Variants in THSD4 observed in about 807,000 individuals in gnomAD.
THSD4 encodes the protein thrombospondin type 1 domain containing 4.
In THSD4, 69 loss-of-function variants were observed where a neutral mutation model predicts 119.0. The observed-to-expected ratio is 0.58, with a 90% CI of 0.48 to 0.71. THSD4 has a LOEUF of 0.71. Among genes scored for constraint, THSD4 ranks in the 30% least tolerant of loss-of-function variants. THSD4 has a pLI of 0.00. For synonymous variants in THSD4, 524 were observed against 540.4 expected (o/e 0.97, Z 0.42); for missense variants, 1,393 against 1,391.1 (o/e 1.00, Z -0.02).
At chr15:71,281,899 T>C (rs1302598463) in intron 6 of THSD4, among the ~76,000 whole-genome samples, 2 of 152,218 alleles carry the variant, frequency 1.3e-5, no homozygotes, top group African/African-American at 4.8e-5. Flanking sequence ...AGTTTCACTG[T>C]CCTTTGGCTT....
At chr15:71,207,670 G>A (rs2043855724) in intron 3 of THSD4, among the ~76,000 whole-genome samples, 1 of 152,200 alleles carries the variant, frequency 6.6e-6, no homozygotes, top group Non-Finnish European at 1.5e-5. Context: ...CTGTCAGATG[G>A]GCAGCGGCAT....
chr15:71,750,434 T>A (rs1440357893), intron 14 of THSD4, among the ~76,000 whole-genome samples: 1 of 152,204 alleles, frequency 6.6e-6, no homozygotes, highest in Non-Finnish European at 1.5e-5. Flanking sequence ...ATTTTGTCCC[T>A]CTATCACCAT....
chr15:71,747,159 C>T, intron 13 of THSD4, 117 bp downstream of exon 13: 2 of 1,208,196 alleles, frequency 1.7e-6, no homozygotes, highest in Non-Finnish European at 2.3e-6. Context: ...GGGAACCCGT[C>T]CCGTGGGGGT....
intron 7 of THSD4, among the ~76,000 whole-genome samples, chr15:71,601,528 A>C (rs2050011365): frequency 6.6e-6 from 1 of 152,230 alleles, no homozygotes; most frequent in Non-Finnish European, 1.5e-5. Context: ...CGCTTTATAA[A>C]TGACTGTAAT....
chr15:71,703,573 CGCACTGGGGACAGGTCTTACATA>C (rs1332682114), intron 8 of THSD4, among the ~76,000 whole-genome samples: 9 of 152,184 alleles, frequency 5.9e-5, no homozygotes, highest in South Asian at 2.1e-4. Flanking sequence ...GGTCTTACAT[CGCACTGGGGACAGGTCTTACATA>C]GCACTGGGGA....
intron 4 of THSD4, among the ~76,000 whole-genome samples, chr15:71,235,319 C>T (rs1191615085): frequency 6.6e-6 from 1 of 152,178 alleles, no homozygotes; most frequent in East Asian, 1.9e-4. Flanking sequence ...TATATAGTAA[C>T]AGTTCAAAGT....
chr15:71,111,151 C>T (rs1331064452), upstream of THSD4: 2 of 1,607,326 alleles, frequency 1.2e-6, no homozygotes, highest in Admixed American at 3.4e-5. Flanking sequence ...AAGAACCTTC[C>T]TATCTCCTCT....
intron 7 of THSD4, among the ~76,000 whole-genome samples, chr15:71,479,076 CAG>C (rs905745631): frequency 9.5e-6 from 1 of 105,764 alleles, no homozygotes; most frequent in Non-Finnish European, 1.9e-5. Flanking sequence ...GAAAATTAGG[CAG>C]AGTGTATTTT....
chr15:71,758,087 G>T lies in THSD4; in HGVS notation c.2589+12G>T. 1 of 1,557,026 alleles carries T rather than the reference G, an allele frequency of 6.4e-7. No individual in the cohort carries two copies. Among genetic ancestry groups the T allele is most frequent in the South Asian group, 1.2e-5 (1 of 84,954 alleles). Reference sequence around the variant, plus strand: ...GGAGCTGGAGTCAGGTGAGTGGCCAGAACTGGGTATGTCTGCCTGTGTCAG... The same window carrying T: ...GGAGCTGGAGTCAGGTGAGTGGCCATAACTGGGTATGTCTGCCTGTGTCAG... On this transcript the variant is annotated intron_variant, in intron 15 of 17. Coordinates refer to ENST00000261862, the MANE Select transcript of THSD4 (RefSeq NM_024817.3).
At chr15:71,322,760 C>G (rs1370058928) in intron 6 of THSD4, among the ~76,000 whole-genome samples, 1 of 152,114 alleles carries the variant, frequency 6.6e-6, no homozygotes, top group African/African-American at 2.4e-5. Context: ...CTTGAGTGTC[C>G]TCCTGACACG....
intron 7 of THSD4, among the ~76,000 whole-genome samples, chr15:71,532,283 AGTGTGTGTGTGTGTGTGTGTGTGTGT>A (rs1210856261): frequency 5.9e-5 from 6 of 101,574 alleles, no homozygotes; most frequent in Admixed American, 1.1e-4. Context: ...AGAGAGAGAG[AGTGTGTGTGTGTGTGTGTGTGTGTGT>A]GTGTGTGTGT....
At chr15:71,711,329 G>A (rs1452834603) in intron 8 of THSD4, among the ~76,000 whole-genome samples, 1 of 151,838 alleles carries the variant, frequency 6.6e-6, no homozygotes, top group African/African-American at 2.4e-5. Context: ...TTTTCCCATT[G>A]TTGCTTTTAA....
chr15:71,406,137 G>T (rs1161201807), intron 6 of THSD4, among the ~76,000 whole-genome samples: 1 of 151,718 alleles, frequency 6.6e-6, no homozygotes, highest in Non-Finnish European at 1.5e-5. Flanking sequence ...TTATTTAGGA[G>T]TATGTTGTTT....
At chr15:71,134,900 A>G (rs1235142280) in intron 1 of THSD4, among the ~76,000 whole-genome samples, 2 of 151,332 alleles carry the variant, frequency 1.3e-5, no homozygotes, top group Admixed American at 6.6e-5. Context: ...TCATGCTGCT[A>G]TAAAGACACA....
At chr15:71,558,997 C>T (rs552855066) in intron 7 of THSD4, among the ~76,000 whole-genome samples, 3 of 152,238 alleles carry the variant, frequency 2.0e-5, no homozygotes, top group Middle Eastern at 3.4e-3. Flanking sequence ...TCTGTAAACA[C>T]GCCAAGTGTG....
chr15:71,199,466 T>G (rs1364410022), intron 3 of THSD4, among the ~76,000 whole-genome samples: 1 of 140,358 alleles, frequency 7.1e-6, no homozygotes, highest in Non-Finnish European at 1.6e-5. Flanking sequence ...GGGGGGTGTG[T>G]GTGTGTGGTG....
rs181555301 is a variant in THSD4, at chr15:71,151,131, C to T, written c.30-3732C>T. ...GGAAGCCCTGTGAAGACAAGATCCTCTGGGCAGAGACCTTAAGAAGTGAGG... is the reference window on the plus strand; with the variant it reads ...GGAAGCCCTGTGAAGACAAGATCCTTTGGGCAGAGACCTTAAGAAGTGAGG... On this transcript the variant is annotated intron_variant, in intron 2 of 17. Coordinates refer to ENST00000261862, the MANE Select transcript of THSD4 (RefSeq NM_024817.3). Among the ~76,000 whole-genome samples the T allele has an allele frequency of 2.6e-5, 4 of 152,258 alleles. No individual in the cohort carries two copies. In the East Asian group the frequency reaches 7.7e-4, roughly 29 times the overall value.
chr15:71,581,617 T>G (rs1210484643), intron 7 of THSD4, among the ~76,000 whole-genome samples: 1 of 145,988 alleles, frequency 6.8e-6, no homozygotes, highest in East Asian at 2.0e-4. Flanking sequence ...GTCAAAAAAC[T>G]TTTTTCCTCT....
intron 1 of THSD4, among the ~76,000 whole-genome samples, chr15:71,131,521 G>T (rs1433569227): frequency 1.3e-5 from 2 of 151,106 alleles, no homozygotes; most frequent in Non-Finnish European, 1.5e-5. Flanking sequence ...AGAAAAATGG[G>T]CAAATAAGGT....
Sources: gnomAD v4.1 joint callset for allele counts (sites outside exome capture counted in the v4.1 genomes callset) on GRCh38, gnomAD v4.1.1 for gene constraint, MANE v1.5 for transcripts, NCBI Gene and HGNC (gene_info 2026-07-23, HGNC 2026-07-21) for gene names.